SLC39A11: variants seen among roughly 807,000 people sequenced by gnomAD.
The protein encoded by SLC39A11 is zinc transporter ZIP11.
Under a neutral mutation model 36.1 loss-of-function variants are expected in SLC39A11, and 33 were observed. That is an observed-to-expected ratio of 0.91 (90% CI 0.69 to 1.22). The LOEUF is 1.22. Ranked by LOEUF, SLC39A11 falls within the 50% of genes most tolerant of loss-of-function variation. SLC39A11 has a pLI of 0.00. For synonymous variants in SLC39A11, 166 were observed against 170.3 expected (o/e 0.97, Z 0.20); for missense variants, 432 against 430.3 (o/e 1.00, Z -0.03).
chr17:73,014,770 C>G (rs2090717153), intron 4 of SLC39A11, among the ~76,000 whole-genome samples: 1 of 152,212 alleles, frequency 6.6e-6, no homozygotes, highest in African/African-American at 2.4e-5. Flanking sequence ...CGTCATCTGA[C>G]CCTCTGGCTG....
In SLC39A11 at chr17:72,911,537, C is replaced by G. The variant is rs2082998475; in HGVS notation, c.430+36215G>C. Among the ~76,000 whole-genome samples, 3 of 152,156 alleles carry G rather than the reference C, an allele frequency of 2.0e-5. No individual in the cohort carries two copies. In the South Asian group the frequency reaches 6.2e-4, roughly 32 times the overall value. On this transcript the variant is annotated intron_variant, in intron 5 of 9. Coordinates refer to ENST00000255559, the MANE Select transcript of SLC39A11 (RefSeq NM_139177.4). ...GGAGTGCCCTTACCCTCCCGACCTC[C>G]CTTTTCCTGTCAGCCTCCTCGTTCT...
intron 7 of SLC39A11, among the ~76,000 whole-genome samples, chr17:72,658,275 C>T (rs919536313): frequency 3.3e-5 from 5 of 152,164 alleles, no homozygotes; most frequent in African/African-American, 9.7e-5. Context: ...GGGGCAGAGG[C>T]GGACAGTCTG....
intron 6 of SLC39A11, among the ~76,000 whole-genome samples, chr17:72,786,024 G>A (rs9907286): frequency 0.45 from 68,983 of 152,034 alleles, 19,108 homozygotes; most frequent in Non-Finnish European, 0.62. Context: ...TTCCCTCCCC[G>A]ACATCTCTGG....
At chr17:73,026,517 C>CA (rs548390962) in intron 4 of SLC39A11, among the ~76,000 whole-genome samples, 24,551 of 75,354 alleles carry the variant, frequency 0.33, 3,792 homozygotes, top group African/African-American at 0.52. Flanking sequence ...GAAACTACAT[C>CA]AAAAAAAAAA....
intron 5 of SLC39A11, among the ~76,000 whole-genome samples, chr17:72,867,477 G>A (rs2080360580): frequency 6.6e-6 from 1 of 152,154 alleles, no homozygotes; most frequent in Admixed American, 6.5e-5. Context: ...TCCAGCCTGG[G>A]CGACTGCGTG....
intron 5 of SLC39A11, among the ~76,000 whole-genome samples, chr17:72,939,765 C>G (rs966430259): frequency 6.6e-6 from 1 of 152,150 alleles, no homozygotes; most frequent in African/African-American, 2.4e-5. Flanking sequence ...TCTCAGACTT[C>G]CGGCCTCCAA....
At chr17:72,755,763 C>A (rs1396598700) in intron 6 of SLC39A11, among the ~76,000 whole-genome samples, 1 of 152,216 alleles carries the variant, frequency 6.6e-6, no homozygotes, top group African/African-American at 2.4e-5. Flanking sequence ...TGACAAGCTT[C>A]ACCACCAGGC....
rs2069558993 is a variant in SLC39A11 at position 72,646,331 on chromosome 17, C to G, written c.*1253G>C. On this transcript the variant is annotated 3_prime_UTR_variant, in exon 10 of 10. Coordinates refer to ENST00000255559, the MANE Select transcript of SLC39A11 (RefSeq NM_139177.4). ...GAGCCCACTGAAAGTCTCACGTGTG[C>G]CTTTAACCAATGAGGATGGCAGGCC... 1.3e-5 allele frequency: 2 copies of G among 152,498 alleles called. No homozygotes were observed. Among genetic ancestry groups the G allele is most frequent in the Non-Finnish European group, 2.9e-5 (2 of 68,046 alleles). The allele number at this position is 152,498 out of a possible 1,614,324, so 9.4% of individuals were successfully genotyped here.
intron 7 of SLC39A11, among the ~76,000 whole-genome samples, chr17:72,684,332 G>C (rs182841503): frequency 6.6e-6 from 1 of 152,170 alleles, no homozygotes; most frequent in Non-Finnish European, 1.5e-5. Flanking sequence ...GCCCAGGCTC[G>C]TGGGACAGGC....
intron 4 of SLC39A11, among the ~76,000 whole-genome samples, chr17:72,957,005 GCACA>G (rs2086280555): frequency 6.6e-6 from 1 of 151,990 alleles, no homozygotes; most frequent in Admixed American, 6.6e-5. Context: ...GTCTAAGATG[GCACA>G]TGCACCTGGC....
intron 6 of SLC39A11, among the ~76,000 whole-genome samples, chr17:72,755,499 T>C (rs1040059015): frequency 2.6e-5 from 4 of 152,184 alleles, no homozygotes; most frequent in South Asian, 4.1e-4. Flanking sequence ...AACAGGTCAA[T>C]AACAGCCGAC....
chr17:72,859,635 T>A (rs1020360128), intron 5 of SLC39A11, among the ~76,000 whole-genome samples: 1 of 151,678 alleles, frequency 6.6e-6, no homozygotes, highest in Non-Finnish European at 1.5e-5. Context: ...CATATTCATC[T>A]CCATGTAAAA....
At chr17:72,687,976 G>T (rs1318849203) in intron 7 of SLC39A11, among the ~76,000 whole-genome samples, 1 of 152,192 alleles carries the variant, frequency 6.6e-6, no homozygotes, top group Non-Finnish European at 1.5e-5. Context: ...CGACACCAGA[G>T]GGTCCCTTTG....
chr17:72,662,066 T>TG (rs1181571829), intron 7 of SLC39A11, among the ~76,000 whole-genome samples: 1 of 152,124 alleles, frequency 6.6e-6, no homozygotes, highest in Admixed American at 6.6e-5. Flanking sequence ...TACAATGTGG[T>TG]GGGGGCACAC....
intron 7 of SLC39A11, among the ~76,000 whole-genome samples, chr17:72,732,604 A>T (rs1241186335): frequency 6.6e-6 from 1 of 151,816 alleles, no homozygotes; most frequent in Non-Finnish European, 1.5e-5. Flanking sequence ...TAGTTTTGTG[A>T]GTGCTATCTT....
chr17:72,881,996 A>G (rs929925205), intron 5 of SLC39A11, among the ~76,000 whole-genome samples: 4 of 152,212 alleles, frequency 2.6e-5, no homozygotes, highest in Non-Finnish European at 5.9e-5. Context: ...TGTTAACAAT[A>G]ATGCTACTAA....
At chr17:72,761,847 G>A (rs2075590003) in intron 6 of SLC39A11, among the ~76,000 whole-genome samples, 1 of 152,240 alleles carries the variant, frequency 6.6e-6, no homozygotes, top group Non-Finnish European at 1.5e-5. Flanking sequence ...AAAGAGCAAA[G>A]AGAAAGTGAG....
rs556235705 is a variant in SLC39A11 at position 72,991,025 on chromosome 17, G to T, written c.306+40531C>A. On this transcript the variant is annotated intron_variant, in intron 4 of 9. Transcript: ENST00000255559. ...AAGGCAATCTTTCAGAAATGTAGAAGAGTACAGAGAATAACAAGATGTAAG... is the reference window on the plus strand; with the variant it reads ...AAGGCAATCTTTCAGAAATGTAGAATAGTACAGAGAATAACAAGATGTAAG... Among the ~76,000 whole-genome samples, 13 of 152,304 alleles carry T rather than the reference G, an allele frequency of 8.5e-5. No individual in the cohort carries two copies. In the South Asian group the frequency reaches 2.1e-3, roughly 24 times the overall value.
At chr17:72,932,708 A>C (rs868170156) in intron 5 of SLC39A11, among the ~76,000 whole-genome samples, 6 of 152,106 alleles carry the variant, frequency 3.9e-5, no homozygotes, top group African/African-American at 1.2e-4. Context: ...ACTGTTGTCC[A>C]AACAGAATAA....
Sources: allele counts gnomAD v4.1 joint callset (sites outside exome capture counted in the v4.1 genomes callset), GRCh38; gene constraint gnomAD v4.1.1; transcripts MANE v1.5; gene names NCBI Gene and HGNC (gene_info 2026-07-23, HGNC 2026-07-21).